The following RPL11 variants were observed in gnomAD, a reference collection of about 807,000 sequenced individuals.
RPL11 encodes large ribosomal subunit protein uL5.
A neutral mutation model predicts 24.1 loss-of-function variants in RPL11; 3 were observed. The observed-to-expected ratio is 0.12, with a 90% confidence interval of 0.06 to 0.32. The LOEUF is 0.32. RPL11 is among the 10% of genes least tolerant of loss of function. The pLI is 1.00. For missense variants in RPL11, 146 were observed against 225.7 expected (o/e 0.65, Z 2.26); for synonymous variants, 96 against 75.7 (o/e 1.27, Z -1.39).
At chr1:23,692,178 G>T (rs959441046) in intron 1 of RPL11, 3 of 479,984 alleles carry the variant, frequency 6.3e-6, no homozygotes, top group Non-Finnish European at 1.1e-5. Flanking sequence ...AACCTTAGTC[G>T]GTTGCTCCGC....
Position 23,693,906 on chromosome 1 carries a change from G to T in RPL11, c.257G>T (p.Gly86Val). Reference protein sequence around the residue: ...GAKAEEILEKGLKVREYELRK... With the variant: ...GAKAEEILEKVLKVREYELRK... ...AAGGCAGAAGAAATCTTGGAGAAGG[G>T]TCTAAAGGTGAGCCTAATCCCCTAA... Residue 86 changes from glycine (G) to valine (V), a missense_variant, in exon 3 of 6, where the codon GGT becomes GTT. Coordinates refer to ENST00000643754, the MANE Select transcript of RPL11 (RefSeq NM_000975.5). The T allele has an allele frequency of 6.2e-7, 1 of 1,613,492 alleles. No homozygotes were observed. The highest frequency in any genetic ancestry group is 8.5e-7 in the Non-Finnish European group (1 of 1,179,400).
At chr1:23,695,543 A>G in intron 4 of RPL11, 1 of 531,918 alleles carries the variant, frequency 1.9e-6, no homozygotes, top group Non-Finnish European at 3.4e-6. Flanking sequence ...GTAATGGAGG[A>G]TCCTCAGCAC....
intron 4 of RPL11, chr1:23,695,009 A>C (rs1028506760): frequency 3.0e-6 from 2 of 658,904 alleles, no homozygotes; most frequent in Non-Finnish European, 5.3e-6. Context: ...GGGAACTTGC[A>C]GTCGAGGATC....
intron 2 of RPL11, 134 bp downstream of exon 2, chr1:23,692,893 G>T: frequency 2.9e-6 from 3 of 1,023,702 alleles, no homozygotes; most frequent in Non-Finnish European, 2.8e-6. Context: ...AGCCGGCCAA[G>T]AGGTGTCTTT....
At chr1:23,692,021 G>C in intron 1 of RPL11, 192 bp downstream of exon 1, 1 of 776,642 alleles carries the variant, frequency 1.3e-6, no homozygotes, top group East Asian at 2.6e-5. Flanking sequence ...ATCGTTTTAG[G>C]AGCGGCTCCG....
intron 1 of RPL11, chr1:23,692,388 C>T (rs1644506114): frequency 5.4e-6 from 3 of 559,920 alleles, no homozygotes; most frequent in Non-Finnish European, 9.5e-6. Flanking sequence ...CACTCAATAA[C>T]TGTCCTGAGT....
At position 23,695,917 on chromosome 1, in the gene RPL11, G is replaced by A. The variant is rs145233387; in HGVS notation, c.507+9G>A. Reference sequence around the variant, plus strand: ...GCTGGTTCCAGCAGAAGGTAAAGCTGATTTATCTCAAGTGAAGTGGTGGAA... The same window carrying A: ...GCTGGTTCCAGCAGAAGGTAAAGCTAATTTATCTCAAGTGAAGTGGTGGAA... On this transcript the variant is annotated intron_variant, in intron 5 of 5. Coordinates refer to ENST00000643754, the MANE Select transcript of RPL11 (RefSeq NM_000975.5). The A allele has an allele frequency of 6.4e-7, 1 of 1,566,052 alleles. No individual in the cohort carries two copies. Among genetic ancestry groups the A allele is most frequent in the Non-Finnish European group, 8.7e-7 (1 of 1,154,302 alleles).
Position 23,692,042 on chromosome 1 carries a change from C to A in RPL11, c.6+213C>A. The stretch of plus-strand genomic sequence containing the variant: ...TTAGGAGCGGCTCCGGGCACTTGCC[C>A]GGAGTGCTCAGAAGCACGGTCAGGA... On this transcript the variant is annotated intron_variant, in intron 1 of 5. Transcript: ENST00000643754. The A allele has an allele frequency of 1.2e-5, 8 of 668,420 alleles. No homozygotes were observed. In the South Asian group the frequency reaches 1.5e-4, roughly 12 times the overall value. 41.4% of individuals were successfully genotyped at this position (668,420 alleles called of 1,614,324 possible).
chr1:23,694,298 A>G (rs751519429), intron 3 of RPL11, among the ~76,000 whole-genome samples: 15 of 152,070 alleles, frequency 9.9e-5, no homozygotes, highest in Admixed American at 3.3e-4. Flanking sequence ...CAATTGCTAG[A>G]ACCTGGGAGG....
chr1:23,694,261 C>A (rs1303983144), intron 3 of RPL11, among the ~76,000 whole-genome samples: 1 of 151,946 alleles, frequency 6.6e-6, no homozygotes, highest in Non-Finnish European at 1.5e-5. Flanking sequence ...TCCTGTAGTC[C>A]CAGCTACTCG....
intron 1 of RPL11, chr1:23,692,381 T>A (rs1644506053): frequency 1.8e-6 from 1 of 546,812 alleles, no homozygotes; most frequent in Non-Finnish European, 3.3e-6. Flanking sequence ...CTTTTAACAC[T>A]CAATAACTGT....
At chr1:23,692,009 C>T (rs1311488874) in intron 1 of RPL11, 180 bp downstream of exon 1, 5 of 857,160 alleles carry the variant, frequency 5.8e-6, no homozygotes, top group Non-Finnish European at 7.6e-6. Flanking sequence ...ACTTTCCCTG[C>T]CATCGTTTTA....
At chr1:23,694,954 G>A in intron 4 of RPL11, 163 bp downstream of exon 4, 2 of 1,070,168 alleles carry the variant, frequency 1.9e-6, no homozygotes, top group Non-Finnish European at 2.8e-6. Flanking sequence ...TGTGGCAAAT[G>A]TAGGGGTGCA....
intron 4 of RPL11, chr1:23,695,330 C>A: frequency 3.6e-6 from 1 of 276,992 alleles, no homozygotes; most frequent in Non-Finnish European, 7.0e-6. Context: ...GTGGCACCCT[C>A]ATTAGACAGA....
intron 1 of RPL11, 39 bp downstream of exon 1, chr1:23,691,868 T>C (rs1570565767): frequency 6.2e-7 from 1 of 1,614,090 alleles, no homozygotes; most frequent in Non-Finnish European, 8.5e-7. Flanking sequence ...CCTTTATCCG[T>C]CGCCATCCAT....
At chr1:23,695,711 T>C (rs2124431982) in intron 4 of RPL11, 87 bp from the exon 5 acceptor site, 2 of 1,263,498 alleles carry the variant, frequency 1.6e-6, no homozygotes, top group Non-Finnish European at 2.3e-6. Context: ...AAGTGACTCT[T>C]TGAAGATCTG....
chr1:23,693,785 C>G (rs371852280), intron 2 of RPL11, 22 bp from the exon 3 acceptor site: 2 of 1,582,196 alleles, frequency 1.3e-6, no homozygotes, highest in South Asian at 2.2e-5. Flanking sequence ...GCATCTGACT[C>G]CTTGTTACCC....
chr1:23,693,947 C>A, intron 3 of RPL11, 34 bp downstream of exon 3: 3 of 1,417,692 alleles, frequency 2.1e-6, no homozygotes, highest in South Asian at 1.1e-5. Flanking sequence ...TGATATTGAT[C>A]AGCACTCCTT....
chr1:23,692,240 G>T (rs753207113), intron 1 of RPL11: 11 of 421,206 alleles, frequency 2.6e-5, no homozygotes, highest in East Asian at 5.1e-5. Flanking sequence ...GCTGGACGTC[G>T]CATAACCACG....
Sources: allele counts gnomAD v4.1 joint callset (sites outside exome capture counted in the v4.1 genomes callset), GRCh38; gene constraint gnomAD v4.1.1; transcripts MANE v1.5; gene names NCBI Gene and HGNC (gene_info 2026-07-23, HGNC 2026-07-21).